The following PLPP3 variants were observed in gnomAD, a reference collection of about 807,000 sequenced individuals.
PLPP3 encodes phospholipid phosphatase 3, also known as PAP2 beta.
A neutral mutation model predicts 29.6 loss-of-function variants in PLPP3; 6 were observed. The ratio of observed to expected loss-of-function variants is 0.20; its 90% CI spans 0.11 to 0.40. The LOEUF is 0.40. Ranked by LOEUF, PLPP3 falls within the 10% of genes least tolerant of loss-of-function variation. The probability of loss-of-function intolerance (pLI) is 1.00; values close to 1 mark genes in which losing one functional copy is unlikely to be tolerated. For missense variants in PLPP3, 308 were observed against 407.7 expected (o/e 0.76, Z 2.11); for synonymous variants, 152 against 159.7 (o/e 0.95, Z 0.36).
intron 4 of PLPP3, 66 bp downstream of exon 4, chr1:56,523,757 G>T: frequency 6.6e-7 from 1 of 1,505,546 alleles, no homozygotes; most frequent in South Asian, 1.1e-5. Flanking sequence ...TATTTTGAGG[G>T]CTATCATATC....
At chr1:56,555,701 G>T (rs924172981) in intron 1 of PLPP3, among the ~76,000 whole-genome samples, 1 of 152,056 alleles carries the variant, frequency 6.6e-6, no homozygotes, top group Non-Finnish European at 1.5e-5. Context: ...TAGAAACAAG[G>T]TCTTGCTATG....
At chr1:56,516,229 G>A (rs1401823927) in intron 4 of PLPP3, among the ~76,000 whole-genome samples, 1 of 152,146 alleles carries the variant, frequency 6.6e-6, no homozygotes, top group Non-Finnish European at 1.5e-5. Flanking sequence ...CAAATGGATT[G>A]GATTTTGCCA....
intron 2 of PLPP3, among the ~76,000 whole-genome samples, chr1:56,535,123 C>T (rs556301633): frequency 6.6e-6 from 1 of 152,300 alleles, no homozygotes; most frequent in African/African-American, 2.4e-5. Context: ...TACATTAGCT[C>T]ATTTAATTCT....
intron 1 of PLPP3, among the ~76,000 whole-genome samples, chr1:56,568,486 G>A (rs1646176111): frequency 6.6e-6 from 1 of 152,092 alleles, no homozygotes; most frequent in African/African-American, 2.4e-5. Context: ...TCATAATAAG[G>A]CTATGCACAT....
intron 2 of PLPP3, among the ~76,000 whole-genome samples, chr1:56,535,212 T>A (rs1276889056): frequency 6.6e-6 from 1 of 152,286 alleles, no homozygotes; most frequent in Non-Finnish European, 1.5e-5. Context: ...ATTTGCCACA[T>A]GGTCCACAGC....
intron 2 of PLPP3, among the ~76,000 whole-genome samples, chr1:56,529,041 A>G (rs1645870273): frequency 6.6e-6 from 1 of 151,850 alleles, no homozygotes; most frequent in Non-Finnish European, 1.5e-5. Flanking sequence ...TGAAGGACAA[A>G]CTTTCCTATA....
At chr1:56,510,139 C>T (rs1645730501) in intron 5 of PLPP3, among the ~76,000 whole-genome samples, 2 of 152,234 alleles carry the variant, frequency 1.3e-5, no homozygotes, top group South Asian at 2.1e-4. Flanking sequence ...AGGGCAGTGG[C>T]GCCAAGAAGG....
chr1:56,502,392 TAA>T (rs1265831910), intron 5 of PLPP3, among the ~76,000 whole-genome samples: 1 of 152,216 alleles, frequency 6.6e-6, no homozygotes, highest in African/African-American at 2.4e-5. Context: ...TGGTATTTCT[TAA>T]AGTGTTGTCC....
intron 1 of PLPP3, among the ~76,000 whole-genome samples, chr1:56,571,388 G>A (rs1404245136): frequency 6.6e-6 from 1 of 152,134 alleles, no homozygotes; most frequent in East Asian, 1.9e-4. Flanking sequence ...AAGTAAACTT[G>A]CTTAAGCTTC....
In PLPP3 at chr1:56,557,026, A is replaced by AGAAAGAGAGAG. The variant is rs1646085318; in HGVS notation, c.140-19915_140-19914insCTCTCTCTTTC. Among the ~76,000 whole-genome samples the AGAAAGAGAGAG allele has an allele frequency of 2.6e-3, 25 of 9,530 alleles. 7 individuals are homozygous for AGAAAGAGAGAG. The highest frequency in any genetic ancestry group is 0.018 in the East Asian group (9 of 510). The allele number at this position is 9,530 out of a possible 152,430, so 6.3% of individuals were successfully genotyped here. A position where few individuals can be genotyped will look rare whatever the true frequency, so the allele number is the denominator to read the frequency against. On this transcript the variant is annotated intron_variant, in intron 1 of 5. Coordinates refer to ENST00000371250, the MANE Select transcript of PLPP3 (RefSeq NM_003713.5). ...AGAAAGAAAGAGAGAGAGAGAGAGA[A>AGAAAGAGAGAG]AGAGAGAGAGAGAGAGAGAGAGAGA...
intron 1 of PLPP3, among the ~76,000 whole-genome samples, chr1:56,560,271 ATTCAGGTGCTTTTAATTATAAAATTG>A (rs1646112928): frequency 6.6e-6 from 1 of 152,242 alleles, no homozygotes; most frequent in African/African-American, 2.4e-5. Context: ...ACCATCATTT[ATTCAGGTGCTTTTAATTATAAAATTG>A]TTCAGGTGCT....
In PLPP3 at chr1:56,524,131, G is replaced by C. The variant is rs1453532066; in HGVS notation, c.575+146C>G. On this transcript the variant is annotated intron_variant, in intron 3 of 5. Transcript: ENST00000371250. The surrounding 1 kb of genome is among the most constrained non-coding windows in gnomAD (Gnocchi z 4.3). Reference sequence around the variant, plus strand: ...ATCGGAAGTATTGATTTACATATCTGTCTCAATCATCTGACTGTGAGTTCC... The same window carrying C: ...ATCGGAAGTATTGATTTACATATCTCTCTCAATCATCTGACTGTGAGTTCC... The C allele has an allele frequency of 8.1e-6, 8 of 990,456 alleles. No homozygotes were observed. Among genetic ancestry groups the C allele is most frequent in the Non-Finnish European group, 1.2e-5 (8 of 667,086 alleles). The allele number at this position is 990,456 out of a possible 1,614,324, so 61.4% of individuals were successfully genotyped here. A position where few individuals can be genotyped will look rare whatever the true frequency, so the allele number is the denominator to read the frequency against.
intron 1 of PLPP3, among the ~76,000 whole-genome samples, chr1:56,552,868 G>A (rs1047248997): frequency 1.3e-5 from 2 of 152,178 alleles, no homozygotes; most frequent in African/African-American, 2.4e-5. Context: ...TGAAAGAGGG[G>A]AGTAAAATGC....
chr1:56,515,236 T>C (rs1186405300), intron 4 of PLPP3, among the ~76,000 whole-genome samples: 3 of 152,218 alleles, frequency 2.0e-5, no homozygotes, highest in African/African-American at 7.2e-5. Context: ...ACTCAACAAA[T>C]AGGTGATTTT....
intron 5 of PLPP3, among the ~76,000 whole-genome samples, chr1:56,506,169 G>A (rs72664323): frequency 0.016 from 2,493 of 152,296 alleles, 36 homozygotes; most frequent in Middle Eastern, 0.037. Flanking sequence ...GTTAGAGAAG[G>A]AAGAGGCCTT....
intron 1 of PLPP3, among the ~76,000 whole-genome samples, chr1:56,568,985 G>A (rs1646180063): frequency 6.6e-6 from 1 of 151,878 alleles, no homozygotes; most frequent in African/African-American, 2.4e-5. Context: ...GGTTCAGCTT[G>A]CACTTGCCAC....
At chr1:56,539,829 G>A (rs1375196549) in intron 1 of PLPP3, among the ~76,000 whole-genome samples, 2 of 152,166 alleles carry the variant, frequency 1.3e-5, no homozygotes, top group Non-Finnish European at 2.9e-5. Flanking sequence ...GAAGCCAGCA[G>A]TATGATATTA....
chr1:56,549,205 G>T (rs1283704187), intron 1 of PLPP3, among the ~76,000 whole-genome samples: 3 of 152,166 alleles, frequency 2.0e-5, no homozygotes, highest in Admixed American at 1.3e-4. Flanking sequence ...GAAATCCACT[G>T]GAGGCGTTCT....
intron 4 of PLPP3, among the ~76,000 whole-genome samples, chr1:56,521,310 T>C (rs1645818301): frequency 1.3e-5 from 2 of 151,902 alleles, no homozygotes. Context: ...GAGCTGGGAT[T>C]TCTCTGTAAT....
Sources: allele counts gnomAD v4.1 joint callset (sites outside exome capture counted in the v4.1 genomes callset), GRCh38; gene constraint gnomAD v4.1.1; non-coding constraint Gnocchi (gnomAD v3.1); transcripts MANE v1.5; gene names NCBI Gene and HGNC (gene_info 2026-07-23, HGNC 2026-07-21).